Variants in CPLANE1 observed in about 807,000 individuals in gnomAD.
The protein encoded by CPLANE1 is ciliogenesis and planar polarity effector 1.
CPLANE1 carries 263 observed loss-of-function variants against 362.5 expected under a neutral mutation model. The ratio of observed to expected loss-of-function variants is 0.73; its 90% CI spans 0.66 to 0.80. The LOEUF (loss-of-function observed/expected upper bound fraction) is 0.80, where lower values mean the gene tolerates loss of function less well. Ranked by LOEUF, CPLANE1 falls within the 30% of genes least tolerant of loss-of-function variation. The pLI, the probability that CPLANE1 is intolerant of heterozygous loss-of-function variation, is 0.00. For synonymous variants in CPLANE1, 1,212 were observed against 1,302.6 expected, an observed-to-expected ratio of 0.93 and a Z score of 1.50; for missense variants, 3,461 against 3,793.4, an observed-to-expected ratio of 0.91 and a Z score of 2.30.
At chr5:37,244,075 C>A (rs1738649957) in intron 5 of CPLANE1, among the ~76,000 whole-genome samples, 1 of 151,896 alleles carries the variant, frequency 6.6e-6, no homozygotes. Context: ...GTCTTGAACT[C>A]TCGACCTCAG....
chr5:37,194,241 C>A (rs1324158700), intron 21 of CPLANE1, among the ~76,000 whole-genome samples: 6 of 152,012 alleles, frequency 3.9e-5, no homozygotes, highest in Non-Finnish European at 8.8e-5. Context: ...ACTTTTTAAT[C>A]TAGCCAAATC....
chr5:37,143,189 G>A (rs1770334935), intron 43 of CPLANE1, among the ~76,000 whole-genome samples: 2 of 152,180 alleles, frequency 1.3e-5, no homozygotes, highest in Admixed American at 1.3e-4. Flanking sequence ...ATAGCAAAAA[G>A]CAAATGCAAA....
At chr5:37,233,845 C>T (rs139443231) in intron 8 of CPLANE1, among the ~76,000 whole-genome samples, 3,927 of 152,212 alleles carry the variant, frequency 0.026, 87 homozygotes, top group Non-Finnish European at 0.035. Flanking sequence ...GCACACTCAC[C>T]CCACTGCTGC....
intron 16 of CPLANE1, chr5:37,211,967 T>G: frequency 1.1e-6 from 1 of 893,148 alleles, no homozygotes; most frequent in Non-Finnish European, 1.9e-6. Context: ...AGCACCCAAG[T>G]GTAGATCAGA....
At chr5:37,116,987 G>A (rs570752014) in intron 50 of CPLANE1, among the ~76,000 whole-genome samples, 1 of 152,246 alleles carries the variant, frequency 6.6e-6, no homozygotes, top group African/African-American at 2.4e-5. Flanking sequence ...AAGAACAAGG[G>A]GAGCCACAGC....
intron 42 of CPLANE1, among the ~76,000 whole-genome samples, chr5:37,153,480 T>G (rs1774153275): frequency 6.6e-6 from 1 of 152,172 alleles, no homozygotes; most frequent in Admixed American, 6.5e-5. Flanking sequence ...CATTTTTGAC[T>G]GTTACAACTA....
At chr5:37,162,973 T>C (rs995146251) in intron 37 of CPLANE1, among the ~76,000 whole-genome samples, 4 of 152,184 alleles carry the variant, frequency 2.6e-5, no homozygotes, top group African/African-American at 9.6e-5. Context: ...GGCCACCGTG[T>C]CCAGCCTAAA....
At chr5:37,151,583 C>G (rs1773572133) in intron 42 of CPLANE1, among the ~76,000 whole-genome samples, 1 of 152,144 alleles carries the variant, frequency 6.6e-6, no homozygotes, top group African/African-American at 2.4e-5. Flanking sequence ...AGTGAGCAAG[C>G]CAGGATCAAG....
chr5:37,175,670 C>T (rs1160316482), intron 31 of CPLANE1, among the ~76,000 whole-genome samples: 2 of 152,156 alleles, frequency 1.3e-5, no homozygotes, highest in African/African-American at 2.4e-5. Context: ...TCAGAAAAGA[C>T]TGTTCAACAT....
chr5:37,227,329 G>T lies in CPLANE1; in HGVS notation c.1435C>A (p.Gln479Lys), dbSNP rs1359820021. 1.9e-6 allele frequency: 3 copies of T among 1,551,970 alleles called. No individual in the cohort carries two copies. The South Asian group carries it at 3.6e-5, about 18-fold the overall frequency. ...AAATCGGCTGAACTTTCATTTCCTT[G>T]GTGTTCTAACAGGCTAGACCTTAGG... ...NSLRSSLLEH[Q>K]GNESSADFTV... Residue 479 changes from glutamine to lysine, a missense_variant, in exon 11 of 53, where the codon CAA becomes AAA. Transcript: ENST00000651892.
At chr5:37,211,813 T>C (rs1792688837) in intron 16 of CPLANE1, 2 of 806,222 alleles carry the variant, frequency 2.5e-6, no homozygotes, top group South Asian at 2.7e-5. Context: ...GCGGACAAGC[T>C]AGCTTTTAAG....
chr5:37,121,806 T>A (rs1322152707), intron 48 of CPLANE1, 22 bp from the exon 49 acceptor site: 4 of 1,601,160 alleles, frequency 2.5e-6, no homozygotes, highest in African/African-American at 1.3e-5. Flanking sequence ...GAATTAAGCA[T>A]CATTTATTAA....
chr5:37,085,506 C>G, the CPLANE1 span: 4 of 804,018 alleles, frequency 5.0e-6, no homozygotes, highest in African/African-American at 1.7e-5. Context: ...CTACCTTGAT[C>G]CCCTCATCAA....
chr5:37,205,613 T>G (rs912609199), intron 17 of CPLANE1, among the ~76,000 whole-genome samples, 159 bp from the exon 18 acceptor site: 3 of 152,254 alleles, frequency 2.0e-5, no homozygotes, highest in Admixed American at 6.5e-5. Context: ...AATATTGTAT[T>G]AAGACCCTCC....
At chr5:37,175,295 C>T (rs981612505) in intron 31 of CPLANE1, among the ~76,000 whole-genome samples, 13 of 152,274 alleles carry the variant, frequency 8.5e-5, no homozygotes, top group Middle Eastern at 3.4e-3. Flanking sequence ...CTCAGAAGCT[C>T]TTTAAACTGA....
chr5:37,121,999 G>C (rs774050566), intron 48 of CPLANE1, among the ~76,000 whole-genome samples: 19 of 151,710 alleles, frequency 1.3e-4, no homozygotes, highest in Non-Finnish European at 2.5e-4. Flanking sequence ...CCTGCCTCAG[G>C]CTCCCGAGTA....
At chr5:37,122,616 T>C (rs1011767465) in intron 47 of CPLANE1, 128 bp from the exon 48 acceptor site, 45 of 687,382 alleles carry the variant, frequency 6.5e-5, no homozygotes, top group Non-Finnish European at 1.1e-4. Flanking sequence ...TACTCTAGCA[T>C]AAAACATAAA....
At chr5:37,199,538 A>G (rs1788551342) in intron 19 of CPLANE1, among the ~76,000 whole-genome samples, 1 of 152,226 alleles carries the variant, frequency 6.6e-6, no homozygotes, top group Non-Finnish European at 1.5e-5. Context: ...AACTCCCAAG[A>G]GGAAGGGCCT....
Position 37,227,375 on chromosome 5 carries a change from C to T in CPLANE1, c.1389G>A (p.Leu463=), listed in dbSNP as rs980740878. The T allele has an allele frequency of 6.5e-7, 1 of 1,538,084 alleles. No individual in the cohort carries two copies. Among genetic ancestry groups the T allele is most frequent in the East Asian group, 2.5e-5 (1 of 40,752 alleles). ...TTAGGGAATTCAGTGATCGCAAGTTCAGTCCTTTGCCTTTTGGCTAAAGAA... is the reference window on the plus strand; with the variant it reads ...TTAGGGAATTCAGTGATCGCAAGTTTAGTCCTTTGCCTTTTGGCTAAAGAA... ...VILSKPKGKG[L]NLRSLNSLRS... is the part of the protein sequence containing the mutation. Residue 463 remains leucine (L), a synonymous_variant, in exon 11 of 53, where the codon CTG becomes CTA. Transcript: ENST00000651892.
Sources: gnomAD v4.1 joint callset for allele counts (sites outside exome capture counted in the v4.1 genomes callset) on GRCh38, gnomAD v4.1.1 for gene constraint, MANE v1.5 for transcripts, NCBI Gene and HGNC (gene_info 2026-07-23, HGNC 2026-07-21) for gene names.